Variants in HEXD observed in about 807,000 individuals in gnomAD.
HEXD encodes hexosaminidase D.
Under a neutral mutation model 54.2 loss-of-function variants are expected in HEXD, and 47 were observed. The ratio of observed to expected loss-of-function variants is 0.87; its 90% CI spans 0.69 to 1.11. The LOEUF is 1.11. Ranked by LOEUF, HEXD falls within the 50% of genes least tolerant of loss-of-function variation. HEXD has a pLI of 0.00. For missense variants in HEXD, 576 were observed against 649.2 expected (o/e 0.89, Z 1.23); for synonymous variants, 293 against 287.6 (o/e 1.02, Z -0.19).
Position 82,437,204 on chromosome 17 carries a change from C to T in HEXD, c.740C>T (p.Pro247Leu), listed in dbSNP as rs774650789. The change falls in exon 8 of 13, where the codon CCG becomes CTG. Residue 247 changes from proline to leucine, a missense_variant. Pro to Leu is a moderately conservative substitution (Grantham distance 98, BLOSUM62 -3). Transcript: ENST00000327949. The part of the protein sequence containing the change: ...LMQKYRRCGF[P>L]QLWAASAFKG... ...CAGAAGTACCGGCGGTGCGGCTTTC[C>T]GCAGCTGTGGGCAGCCAGTGCCTTC... is the stretch of plus-strand genomic sequence containing the variant. 29 of 1,602,614 alleles carry T rather than the reference C, an allele frequency of 1.8e-5. No individual in the cohort carries two copies. Among genetic ancestry groups the T allele is most frequent in the East Asian group, 2.2e-5 (1 of 44,564 alleles).
At chr17:82,424,102 G>A (rs1040862018) in intron 2 of HEXD, among the ~76,000 whole-genome samples, 2 of 152,112 alleles carry the variant, frequency 1.3e-5, no homozygotes, top group African/African-American at 4.8e-5. Context: ...CTGCTTCTTG[G>A]TGGCTCCCTG....
intron 4 of HEXD, among the ~76,000 whole-genome samples, chr17:82,433,122 A>AT (rs2053649735): frequency 5.7e-5 from 1 of 17,434 alleles, no homozygotes; most frequent in Non-Finnish European, 8.1e-5. Flanking sequence ...ATATATATAT[A>AT]TATATATTTT....
rs1484444200 is a variant in HEXD, at chr17:82,434,797, C to G, written c.448-892C>G. On this transcript the variant is annotated intron_variant, in intron 5 of 12. Transcript: ENST00000327949. This position sits in a 1 kb window ranked among gnomAD's most constrained non-coding sequence, Gnocchi z 4.5. ...AGGTTGCAGTGAGCTGAGATCACGCCACTGCATACCAGCCTGGGCAACAGA... is the reference window on the plus strand; with the variant it reads ...AGGTTGCAGTGAGCTGAGATCACGCGACTGCATACCAGCCTGGGCAACAGA... 1.4e-5 allele frequency among the ~76,000 whole-genome samples: 2 copies of G among 146,284 alleles called. No individual in the cohort carries two copies. The highest frequency in any genetic ancestry group is 3.0e-5 in the Non-Finnish European group (2 of 66,858).
chr17:82,423,974 C>A (rs2053318041), intron 2 of HEXD, among the ~76,000 whole-genome samples: 1 of 151,882 alleles, frequency 6.6e-6, no homozygotes. Context: ...CCTGCCCCGG[C>A]TCCTCCTGCC....
At chr17:82,436,262 C>T (rs1045591510) in intron 6 of HEXD, among the ~76,000 whole-genome samples, 3 of 152,260 alleles carry the variant, frequency 2.0e-5, no homozygotes, top group Non-Finnish European at 2.9e-5. Flanking sequence ...AGAGGTGGTA[C>T]TCAGACACCT....
At chr17:82,437,727 C>T (rs2053813112) in intron 8 of HEXD, among the ~76,000 whole-genome samples, 1 of 152,162 alleles carries the variant, frequency 6.6e-6, no homozygotes, top group Admixed American at 6.5e-5. Flanking sequence ...CAATTCGGAC[C>T]CCACGAGAAG....
chr17:82,441,130 G>A (rs751339529), intron 10 of HEXD, 35 bp from the exon 11 acceptor site: 12 of 1,613,402 alleles, frequency 7.4e-6, no homozygotes, highest in Middle Eastern at 1.6e-4. Flanking sequence ...TCCCCCGCCC[G>A]TGGAGACAGC....
Position 82,418,513 on chromosome 17 carries a change from G to A in HEXD, c.-279G>A, listed in dbSNP as rs1219168272. On this transcript the variant is annotated 5_prime_UTR_variant, in exon 1 of 13. Transcript: ENST00000327949. ...GACCAGGCCGCCGCGGAGCCGGGCC[G>A]GACGCGGGCGCCAGGCCCGGGGACG... The A allele has an allele frequency of 1.5e-6, 2 of 1,297,176 alleles. No homozygotes were observed. The highest frequency in any genetic ancestry group is 2.0e-6 in the Non-Finnish European group (2 of 1,015,966). 80.4% of individuals were successfully genotyped at this position (1,297,176 alleles called of 1,614,324 possible).
intron 10 of HEXD, 23 bp downstream of exon 10, chr17:82,441,098 T>C: frequency 6.2e-7 from 1 of 1,613,616 alleles, no homozygotes; most frequent in Non-Finnish European, 8.5e-7. Flanking sequence ...CAGCCCTCCC[T>C]GTCCCCTTCT....
At chr17:82,441,629 C>T (rs1335287036) in intron 11 of HEXD, among the ~76,000 whole-genome samples, 171 bp from the exon 12 acceptor site, 1 of 151,980 alleles carries the variant, frequency 6.6e-6, no homozygotes, top group Non-Finnish European at 1.5e-5. Flanking sequence ...TTCACAAGTC[C>T]CCCCACTCCC....
At chr17:82,436,041 C>A (rs1324445419) in intron 6 of HEXD, among the ~76,000 whole-genome samples, 169 bp downstream of exon 6, 3 of 152,246 alleles carry the variant, frequency 2.0e-5, no homozygotes. Flanking sequence ...GAGTCGTTTC[C>A]CTAGAAGCTG....
At chr17:82,433,582 CAG>C in intron 4 of HEXD, 74 bp from the exon 5 acceptor site, 2 of 1,411,080 alleles carry the variant, frequency 1.4e-6, no homozygotes, top group South Asian at 1.5e-5. Context: ...AGATTTGAAA[CAG>C]AAGCCCCAGG....
At chr17:82,428,526 T>G in intron 3 of HEXD, 32 bp from the exon 4 acceptor site, 2 of 1,599,300 alleles carry the variant, frequency 1.3e-6, no homozygotes, top group Non-Finnish European at 1.7e-6. Flanking sequence ...GCTGCTCACA[T>G]GACCCTCTCT....
chr17:82,423,695 C>A (rs2053305708), intron 2 of HEXD: 2 of 152,098 alleles, frequency 1.3e-5, no homozygotes, highest in Admixed American at 6.6e-5. Context: ...CGCCTGTAAT[C>A]CCAGCTACTC....
At chr17:82,441,718 TAAAC>T in intron 11 of HEXD, 78 bp from the exon 12 acceptor site, 1 of 1,052,930 alleles carries the variant, frequency 9.5e-7, no homozygotes, top group Non-Finnish European at 1.5e-6. Flanking sequence ...ACCCCATTCT[TAAAC>T]ATTTTCTGTA....
Position 82,427,844 on chromosome 17 carries a change from G to A in HEXD, c.195-714G>A, listed in dbSNP as rs138704918. On this transcript the variant is annotated intron_variant, in intron 3 of 12. Coordinates refer to ENST00000327949, the MANE Select transcript of HEXD (RefSeq NM_001330542.2). ...TTGTGAAAAACGAAGAGGTCGACCC[G>A]GGGCAGTCAGCCCTTCCCAGGATGT... 1.6e-4 allele frequency among the ~76,000 whole-genome samples: 24 copies of A among 152,254 alleles called. 1 individual carries two copies. In the East Asian group the frequency reaches 4.4e-3, roughly 28 times the overall value.
At chr17:82,441,569 G>C (rs1477463279) in intron 11 of HEXD, among the ~76,000 whole-genome samples, 1 of 150,908 alleles carries the variant, frequency 6.6e-6, no homozygotes, top group East Asian at 2.0e-4. Flanking sequence ...GTGTGGGTGG[G>C]AGGCAGGTGT....
intron 4 of HEXD, among the ~76,000 whole-genome samples, chr17:82,431,489 C>A (rs1342684677): frequency 6.6e-6 from 1 of 150,524 alleles, no homozygotes; most frequent in Non-Finnish European, 1.5e-5. Flanking sequence ...AGTGCAGCGG[C>A]GTGATCTCAG....
At chr17:82,437,140 C>A in intron 7 of HEXD, 28 bp from the exon 8 acceptor site, 1 of 1,549,544 alleles carries the variant, frequency 6.5e-7, no homozygotes, top group South Asian at 1.2e-5. Context: ...TCCCCTGGAG[C>A]CACTCACCTG....
Sources: gnomAD v4.1 joint callset for allele counts (sites outside exome capture counted in the v4.1 genomes callset) on GRCh38, gnomAD v4.1.1 for gene constraint, Gnocchi (gnomAD v3.1) non-coding constraint, MANE v1.5 for transcripts, NCBI Gene and HGNC (gene_info 2026-07-23, HGNC 2026-07-21) for gene names.